Variants in LARGE1 observed in about 807,000 individuals in gnomAD.
LARGE1 encodes xylosyl- and glucuronyltransferase LARGE1.
In LARGE1, 43 loss-of-function variants were observed where a neutral mutation model predicts 87.6. That is an observed-to-expected ratio of 0.49 (90% CI 0.38 to 0.63). The LOEUF (loss-of-function observed/expected upper bound fraction) is 0.63, where lower values mean the gene tolerates loss of function less well. Ranked by LOEUF, LARGE1 falls within the 30% of genes least tolerant of loss-of-function variation. The pLI is 0.00. For synonymous variants in LARGE1, 434 were observed against 394.6 expected, an observed-to-expected ratio of 1.10 and a Z score of -1.18; for missense variants, 802 against 1,000.2, an observed-to-expected ratio of 0.80 and a Z score of 2.67.
At chr22:33,708,897 C>A (rs1257499917) in intron 2 of LARGE1, among the ~76,000 whole-genome samples, 1 of 152,222 alleles carries the variant, frequency 6.6e-6, no homozygotes. Flanking sequence ...TCACCCCCAG[C>A]CCAGAGTTAG....
chr22:33,569,107 C>T (rs1253775312), intron 5 of LARGE1, among the ~76,000 whole-genome samples: 3 of 152,204 alleles, frequency 2.0e-5, no homozygotes, highest in African/African-American at 7.2e-5. Context: ...CATGAAAGCC[C>T]TGGCCTTTGG....
chr22:33,371,048 G>C (rs1376500658), intron 9 of LARGE1, among the ~76,000 whole-genome samples: 1 of 149,328 alleles, frequency 6.7e-6, no homozygotes, highest in Non-Finnish European at 1.5e-5. Context: ...CATAGAACAC[G>C]AATAATACAT....
At chr22:33,096,184 G>A in the LARGE1 span, among the ~76,000 whole-genome samples, 14 of 152,170 alleles carry the variant, frequency 9.2e-5, no homozygotes, top group African/African-American at 3.4e-4. Context: ...GGGAGGCCGA[G>A]GCGGGTGGAT....
At chr22:33,696,263 CT>C (rs150714476) in intron 2 of LARGE1, among the ~76,000 whole-genome samples, 5 of 61,678 alleles carry the variant, frequency 8.1e-5, no homozygotes, top group East Asian at 1.3e-3. Flanking sequence ...TTCTTTCTTT[CT>C]TTTTTTTTTT....
At chr22:33,713,840 C>T (rs1276970081) in intron 2 of LARGE1, among the ~76,000 whole-genome samples, 1 of 152,046 alleles carries the variant, frequency 6.6e-6, no homozygotes, top group Non-Finnish European at 1.5e-5. Context: ...CCTGTGTTCC[C>T]AGCTATTTAG....
chr22:33,338,591 C>T (rs1434207786), intron 9 of LARGE1, among the ~76,000 whole-genome samples: 1 of 152,188 alleles, frequency 6.6e-6, no homozygotes, highest in Non-Finnish European at 1.5e-5. Context: ...CTGCCTCCAG[C>T]TAGGACGTTG....
intron 8 of LARGE1, 93 bp from the exon 9 acceptor site, chr22:33,382,137 C>A (rs889916819): frequency 1.3e-6 from 2 of 1,540,828 alleles, no homozygotes; most frequent in Admixed American, 1.7e-5. Context: ...TGTGATAGGG[C>A]TTCTCTTGAA....
At chr22:33,182,738 G>C (rs571715840) in intron 11 of LARGE1, among the ~76,000 whole-genome samples, 2 of 152,296 alleles carry the variant, frequency 1.3e-5, no homozygotes, top group South Asian at 4.1e-4. Flanking sequence ...TCAATAAACT[G>C]TGTTGTAAAA....
intron 12 of LARGE1, among the ~76,000 whole-genome samples, chr22:33,284,054 C>G (rs968655624): frequency 6.6e-6 from 1 of 152,116 alleles, no homozygotes; most frequent in Admixed American, 6.5e-5. Flanking sequence ...AGAACTTGGT[C>G]TTCCTGGAGA....
chr22:33,215,081 G>A (rs572758677), intron 11 of LARGE1, among the ~76,000 whole-genome samples: 2 of 152,276 alleles, frequency 1.3e-5, no homozygotes, highest in South Asian at 4.1e-4. Context: ...TTTTCTTGAT[G>A]TCTAGAACCT....
At chr22:33,508,039 A>G (rs1257168280) in intron 6 of LARGE1, among the ~76,000 whole-genome samples, 1 of 152,208 alleles carries the variant, frequency 6.6e-6, no homozygotes, top group Non-Finnish European at 1.5e-5. Flanking sequence ...AGAAACAGCC[A>G]CACTTCCCTT....
At chr22:33,213,890 G>T (rs562193544) in intron 11 of LARGE1, among the ~76,000 whole-genome samples, 1 of 151,868 alleles carries the variant, frequency 6.6e-6, no homozygotes, top group Non-Finnish European at 1.5e-5. Context: ...GTGCAGTGGC[G>T]CAATCTCCGC....
intron 5 of LARGE1, among the ~76,000 whole-genome samples, chr22:33,590,736 C>T (rs73882275): frequency 0.015 from 2,349 of 152,310 alleles, 47 homozygotes; most frequent in African/African-American, 0.054. Flanking sequence ...ACTGCTGAGA[C>T]ATACCACAGC....
chr22:33,723,403 A>G (rs898216196), intron 2 of LARGE1, among the ~76,000 whole-genome samples: 2 of 152,176 alleles, frequency 1.3e-5, no homozygotes, highest in Non-Finnish European at 2.9e-5. Context: ...GTGATGTACA[A>G]AGAAATTCTA....
intron 11 of LARGE1, among the ~76,000 whole-genome samples, chr22:33,227,301 C>A (rs1204307964): frequency 6.6e-6 from 1 of 152,172 alleles, no homozygotes; most frequent in Non-Finnish European, 1.5e-5. Flanking sequence ...CTAGACCATG[C>A]TGCTCTGCAG....
intron 1 of LARGE1, among the ~76,000 whole-genome samples, chr22:33,858,616 C>T (rs570889816): frequency 7.2e-5 from 11 of 152,274 alleles, no homozygotes; most frequent in Non-Finnish European, 1.3e-4. Context: ...AAGGTGGATG[C>T]GGTCACCTTC....
intron 1 of LARGE1, among the ~76,000 whole-genome samples, chr22:33,850,555 C>G (rs1208290398): frequency 6.6e-6 from 1 of 152,162 alleles, no homozygotes; most frequent in Non-Finnish European, 1.5e-5. Context: ...ATAACAAACA[C>G]CTAATAAATG....
chr22:33,458,313 C>T (rs2068225220), intron 6 of LARGE1, among the ~76,000 whole-genome samples: 1 of 152,074 alleles, frequency 6.6e-6, no homozygotes, highest in Non-Finnish European at 1.5e-5. Context: ...ACTGTGTCAG[C>T]CAGGATGGTC....
intron 2 of LARGE1, among the ~76,000 whole-genome samples, chr22:33,663,019 T>C (rs2081174130): frequency 6.6e-6 from 1 of 151,894 alleles, no homozygotes; most frequent in Non-Finnish European, 1.5e-5. Context: ...CAAGTATCTA[T>C]ATTAGAAAAA....
Sources: allele counts gnomAD v4.1 joint callset (sites outside exome capture counted in the v4.1 genomes callset), GRCh38; gene constraint gnomAD v4.1.1; transcripts MANE v1.5; gene names NCBI Gene and HGNC (gene_info 2026-07-23, HGNC 2026-07-21).